Variants in CACNA1B observed in about 807,000 individuals in gnomAD.
CACNA1B encodes calcium voltage-gated channel subunit alpha1 B, also known as voltage-dependent N-type calcium channel subunit alpha-1B.
CACNA1B carries 70 observed loss-of-function variants against 247.2 expected under a neutral mutation model. The ratio of observed to expected loss-of-function variants is 0.28; its 90% CI spans 0.23 to 0.35. The LOEUF (loss-of-function observed/expected upper bound fraction) is 0.35, where lower values mean the gene tolerates loss of function less well. Among genes scored for constraint, CACNA1B ranks in the 10% least tolerant of loss-of-function variants. The probability of loss-of-function intolerance (pLI) is 1.00; values close to 1 mark genes in which losing one functional copy is unlikely to be tolerated. For missense variants in CACNA1B, 2,367 were observed against 3,197.4 expected (o/e 0.74, Z 6.26); for synonymous variants, 1,231 against 1,294.4 (o/e 0.95, Z 1.05).
chr9:138,030,171 C>T (rs758600489), intron 20 of CACNA1B, among the ~76,000 whole-genome samples: 12 of 152,056 alleles, frequency 7.9e-5, no homozygotes, highest in Non-Finnish European at 1.2e-4. Context: ...TGTCTTTCAT[C>T]ATTTAGTATG....
intron 26 of CACNA1B, among the ~76,000 whole-genome samples, chr9:138,055,575 A>G (rs1259528920): frequency 6.6e-6 from 1 of 152,126 alleles, no homozygotes; most frequent in Non-Finnish European, 1.5e-5. Flanking sequence ...TGCCTTTCAC[A>G]TTAAGATCTG....
chr9:138,084,029 T>C (rs1960613416), intron 36 of CACNA1B, among the ~76,000 whole-genome samples: 1 of 150,658 alleles, frequency 6.6e-6, no homozygotes, highest in Non-Finnish European at 1.5e-5. Flanking sequence ...CACCCCTTCT[T>C]CCTGAATTGG....
intron 31 of CACNA1B, among the ~76,000 whole-genome samples, chr9:138,067,067 G>A (rs907984465): frequency 4.6e-5 from 7 of 152,302 alleles, no homozygotes; most frequent in South Asian, 2.1e-4. Flanking sequence ...AGAGAGTAAC[G>A]TGAATAACGT....
At chr9:138,096,675 G>T (rs1396422670) in intron 37 of CACNA1B, 64 bp downstream of exon 37, 1 of 1,525,904 alleles carries the variant, frequency 6.6e-7, no homozygotes, top group East Asian at 2.3e-5. Flanking sequence ...CTTGGGATGG[G>T]CCTGGTGGCT....
At chr9:138,009,647 A>G (rs1002561864) in intron 16 of CACNA1B, among the ~76,000 whole-genome samples, 1 of 152,156 alleles carries the variant, frequency 6.6e-6, no homozygotes, top group Non-Finnish European at 1.5e-5. Flanking sequence ...CAGGCAGACC[A>G]TGGGCCCTCG....
intron 20 of CACNA1B, among the ~76,000 whole-genome samples, chr9:138,033,169 G>T (rs1165335795): frequency 1.3e-5 from 2 of 152,118 alleles, no homozygotes; most frequent in African/African-American, 2.4e-5. Context: ...CTGCTGTGGA[G>T]CCCATCTATT....
At chr9:138,046,485 T>C (rs1161997018) in intron 21 of CACNA1B, among the ~76,000 whole-genome samples, 1 of 152,242 alleles carries the variant, frequency 6.6e-6, no homozygotes, top group African/African-American at 2.4e-5. Context: ...CCCTCCCTGC[T>C]GCCCACAGCT....
rs77410324 is a variant in CACNA1B, at chr9:137,915,106, G to A, written c.775+300G>A. Among the ~76,000 whole-genome samples, 1,989 of 152,332 alleles carry A rather than the reference G, an allele frequency of 0.013. 50 individuals carry two copies. The highest frequency in any genetic ancestry group is 0.044 in the African/African-American group (1,834 of 41,570). Reference sequence around the variant, plus strand: ...GGCCAACTCTGCCAAGGTGACCGTCGAGCAGCATCTGAATGCAGGGAGATT... The same window carrying A: ...GGCCAACTCTGCCAAGGTGACCGTCAAGCAGCATCTGAATGCAGGGAGATT... On this transcript the variant is annotated intron_variant, in intron 5 of 46. Coordinates refer to ENST00000371372, the MANE Select transcript of CACNA1B (RefSeq NM_000718.4).
intron 39 of CACNA1B, among the ~76,000 whole-genome samples, chr9:138,109,608 T>G (rs1188826266): frequency 6.6e-6 from 1 of 152,184 alleles, no homozygotes; most frequent in Non-Finnish European, 1.5e-5. Flanking sequence ...GATCACCTCC[T>G]TACAGGCCCC....
intron 3 of CACNA1B, chr9:137,892,241 C>T: frequency 2.2e-6 from 1 of 456,812 alleles, no homozygotes; most frequent in Admixed American, 2.3e-5. Context: ...ATTTCCTTCT[C>T]AGTCCTGGAG....
At chr9:138,035,318 G>A (rs1387559197) in intron 20 of CACNA1B, among the ~76,000 whole-genome samples, 2 of 152,190 alleles carry the variant, frequency 1.3e-5, no homozygotes, top group Non-Finnish European at 2.9e-5. Context: ...AATTAGCTGG[G>A]TGTGGTGATG....
chr9:138,091,296 A>G (rs1018468138), intron 36 of CACNA1B, among the ~76,000 whole-genome samples: 1 of 152,216 alleles, frequency 6.6e-6, no homozygotes, highest in Non-Finnish European at 1.5e-5. Flanking sequence ...AGAAAGATAA[A>G]TATTGCATGT....
rs190460638 is a variant in CACNA1B, at chr9:138,029,769, C to T, written c.3286+4597C>T. 2.0e-5 allele frequency among the ~76,000 whole-genome samples: 3 copies of T among 152,070 alleles called. No individual in the cohort carries two copies. In the East Asian group the frequency reaches 5.8e-4, roughly 29 times the overall value. On this transcript the variant is annotated intron_variant, in intron 20 of 46. Transcript: ENST00000371372. ...CTGGGATTACAGGCACGCACCACCACACATGGCTAATTTTTTTGTATTTTT... is the reference window on the plus strand; with the variant it reads ...CTGGGATTACAGGCACGCACCACCATACATGGCTAATTTTTTTGTATTTTT...
rs574287133 is a variant in CACNA1B, at chr9:137,952,270, C to T, written c.967-4C>T. On this transcript the variant is annotated splice_region_variant and splice_polypyrimidine_tract_variant and intron_variant, in intron 6 of 46. Transcript: ENST00000371372. The surrounding 1 kb of genome is among the most constrained non-coding windows in gnomAD (Gnocchi z 4.8). ...CTTCCTCATCTCCCTCTCCTTGCTT[C>T]CAGACAAACGATGCGGCCGGCAACA... is the stretch of plus-strand genomic sequence containing the variant. 10 of 1,613,050 alleles carry T rather than the reference C, an allele frequency of 6.2e-6. No individual in the cohort carries two copies. In the Admixed American group the frequency reaches 6.7e-5, roughly 11 times the overall value.
chr9:137,949,170 G>C (rs1392147461), intron 6 of CACNA1B, among the ~76,000 whole-genome samples: 24 of 1,510 alleles, frequency 0.016, no homozygotes, highest in Admixed American at 0.028. Flanking sequence ...GTGTGCGCTT[G>C]TGTGTCCAGT....
intron 3 of CACNA1B, among the ~76,000 whole-genome samples, chr9:137,895,959 G>T (rs1957167027): frequency 6.6e-6 from 1 of 152,154 alleles, no homozygotes; most frequent in Non-Finnish European, 1.5e-5. Flanking sequence ...AATGTTAGTG[G>T]CTGGGCGTAG....
At chr9:138,047,208 A>G (rs1959192587) in intron 22 of CACNA1B, among the ~76,000 whole-genome samples, 175 bp downstream of exon 22, 1 of 152,150 alleles carries the variant, frequency 6.6e-6, no homozygotes, top group South Asian at 2.1e-4. Flanking sequence ...ACAGGAAGAC[A>G]GGGTGCGGCA....
chr9:138,092,043 T>C (rs1960897794), intron 36 of CACNA1B, among the ~76,000 whole-genome samples: 1 of 152,126 alleles, frequency 6.6e-6, no homozygotes, highest in Non-Finnish European at 1.5e-5. Flanking sequence ...AAAGAGCACA[T>C]GCTTCAAAGG....
intron 45 of CACNA1B, 50 bp downstream of exon 45, chr9:138,120,422 C>T: frequency 6.7e-7 from 1 of 1,498,750 alleles, no homozygotes; most frequent in African/African-American, 1.4e-5. Context: ...TGGCCCGAGT[C>T]AGGGGGTCCA....
Sources: gnomAD v4.1 joint callset for allele counts (sites outside exome capture counted in the v4.1 genomes callset) on GRCh38, gnomAD v4.1.1 for gene constraint, Gnocchi (gnomAD v3.1) non-coding constraint, MANE v1.5 for transcripts, NCBI Gene and HGNC (gene_info 2026-07-23, HGNC 2026-07-21) for gene names.